Variants in TRHDE observed in about 807,000 individuals in gnomAD.
TRHDE encodes the protein thyrotropin-releasing hormone-degrading ectoenzyme.
In TRHDE, 72 loss-of-function variants were observed where a neutral mutation model predicts 125.7. The observed-to-expected ratio is 0.57, with a 90% confidence interval of 0.47 to 0.70. The LOEUF is 0.70. Ranked by LOEUF, TRHDE falls within the 30% of genes least tolerant of loss-of-function variation. The pLI, the probability that TRHDE is intolerant of heterozygous loss-of-function variation, is 0.00. For missense variants in TRHDE, 1,110 were observed against 1,327.1 expected (o/e 0.84, Z 2.54); for synonymous variants, 509 against 509.1 (o/e 1.00, Z 0.00).
At chr12:72,564,246 A>G (rs1422891482) in intron 9 of TRHDE, among the ~76,000 whole-genome samples, 1 of 152,136 alleles carries the variant, frequency 6.6e-6, no homozygotes, top group Admixed American at 6.5e-5. Context: ...TGACTCTGTC[A>G]ATGCTTCTTC....
At chr12:72,134,728 C>A (rs1423908300) in intron 2 of TRHDE, among the ~76,000 whole-genome samples, 1 of 152,056 alleles carries the variant, frequency 6.6e-6, no homozygotes, top group Non-Finnish European at 1.5e-5. Context: ...TTATCTGGCT[C>A]ACTGACATTC....
At chr12:72,285,997 C>T (rs962185247) in intron 1 of TRHDE, among the ~76,000 whole-genome samples, 1 of 152,220 alleles carries the variant, frequency 6.6e-6, no homozygotes, top group African/African-American at 2.4e-5. Context: ...CCATGCTAGT[C>T]ACAGTCATAG....
chr12:72,144,725 G>A (rs748073290), intron 2 of TRHDE, among the ~76,000 whole-genome samples: 13 of 152,184 alleles, frequency 8.5e-5, no homozygotes, highest in Non-Finnish European at 1.5e-4. Flanking sequence ...TGGGAAGAAT[G>A]TCCATGCTAC....
chr12:72,620,673 T>C (rs1873015115), intron 13 of TRHDE, among the ~76,000 whole-genome samples: 1 of 152,182 alleles, frequency 6.6e-6, no homozygotes, highest in Non-Finnish European at 1.5e-5. Context: ...TACTAGGCCA[T>C]TGGTTGGGCC....
At chr12:72,641,931 T>C (rs1874081062) in intron 15 of TRHDE, among the ~76,000 whole-genome samples, 1 of 152,224 alleles carries the variant, frequency 6.6e-6, no homozygotes, top group Non-Finnish European at 1.5e-5. Flanking sequence ...TATTAGGAAG[T>C]AGGGTCTTTG....
At chr12:72,279,944 G>T (rs1255152720) in intron 1 of TRHDE, among the ~76,000 whole-genome samples, 1 of 152,158 alleles carries the variant, frequency 6.6e-6, no homozygotes, top group African/African-American at 2.4e-5. Flanking sequence ...GATAGACAAA[G>T]AAAGTAGTTC....
chr12:72,374,662 T>G, intron 2 of TRHDE, among the ~76,000 whole-genome samples: 1 of 152,052 alleles, frequency 6.6e-6, no homozygotes, highest in East Asian at 1.9e-4. Context: ...AATAAAATGC[T>G]TTAAGGACAG....
chr12:72,568,303 A>G (rs1314839346), intron 9 of TRHDE, among the ~76,000 whole-genome samples: 3 of 152,004 alleles, frequency 2.0e-5, no homozygotes, highest in Non-Finnish European at 4.4e-5. Context: ...CAAAATGCGA[A>G]TCTTTTTTCC....
intron 7 of TRHDE, among the ~76,000 whole-genome samples, chr12:72,560,325 A>G (rs1870118679): frequency 6.6e-6 from 1 of 152,206 alleles, no homozygotes; most frequent in Non-Finnish European, 1.5e-5. Context: ...GGGAAGAAAT[A>G]GTTCAAACTG....
intron 12 of TRHDE, among the ~76,000 whole-genome samples, chr12:72,582,922 T>G (rs1287839715): frequency 7.2e-5 from 11 of 152,226 alleles, no homozygotes; most frequent in Admixed American, 2.6e-4. Context: ...TTTTTCTGTT[T>G]TTACAGTACT....
At chr12:72,479,437 T>C (rs1742302136) in intron 5 of TRHDE, among the ~76,000 whole-genome samples, 1 of 152,086 alleles carries the variant, frequency 6.6e-6, no homozygotes, top group Admixed American at 6.6e-5. Flanking sequence ...CTAAGTAAGA[T>C]ATCTTTAGAA....
chr12:72,650,464 T>C (rs144317456), intron 15 of TRHDE, among the ~76,000 whole-genome samples: 2 of 152,224 alleles, frequency 1.3e-5, no homozygotes, highest in East Asian at 1.9e-4. Context: ...TCTGTTACTT[T>C]TTTTTCTATA....
intron 3 of TRHDE, among the ~76,000 whole-genome samples, chr12:72,452,130 A>G (rs561555417): frequency 9.9e-5 from 15 of 151,946 alleles, no homozygotes; most frequent in Admixed American, 9.2e-4. Flanking sequence ...TTCTTTTGTC[A>G]GGGTTTTATA....
At chr12:72,656,906 A>T (rs1874727885) in intron 17 of TRHDE, 21 bp from the exon 18 acceptor site, 1 of 1,515,446 alleles carries the variant, frequency 6.6e-7, no homozygotes, top group Non-Finnish European at 9.1e-7. Flanking sequence ...ATTGACATTA[A>T]GACTCTTTTT....
chr12:72,176,598 A>AT lies in TRHDE; in HGVS notation n.279+70853dup, dbSNP rs1450761089. Among the ~76,000 whole-genome samples the AT allele has an allele frequency of 4.6e-5, 7 of 152,224 alleles. No individual in the cohort carries two copies. The East Asian group carries it at 5.8e-4, about 13-fold the overall frequency. On this transcript the variant is annotated intron_variant and non_coding_transcript_variant, in intron 2 of 4. Coordinates refer to the TRHDE transcript ENST00000548156. ...TTGAGTGCATTAATGTAGTGGTATG[A>AT]TTTTTTTCTAAGAAACTGTTATTAA... is the stretch of plus-strand genomic sequence containing the variant.
rs760094962 is a variant in TRHDE, at chr12:72,273,152, C to A, written c.509C>A (p.Pro170Gln). Residue 170 changes from proline to glutamine, a missense_variant, in exon 1 of 19, where the codon CCG becomes CAG. Transcript: ENST00000261180. The surrounding 1 kb of genome is among the most constrained non-coding windows in gnomAD (Gnocchi z 5.3). ...ASPGTTSAQP[P>Q]SEEEREPWEP... The stretch of plus-strand genomic sequence containing the variant: ...CCGGGGACCACGTCGGCCCAGCCGC[C>A]GTCGGAGGAGGAGCGGGAGCCGTGG... 5 of 1,573,204 alleles carry A rather than the reference C, an allele frequency of 3.2e-6. No individual in the cohort carries two copies. The South Asian group carries it at 5.8e-5, about 18-fold the overall frequency.
rs151161395 is a variant in TRHDE at position 72,128,379 on chromosome 12, C to A, written n.279+22627C>A. On this transcript the variant is annotated intron_variant and non_coding_transcript_variant, in intron 2 of 4. Coordinates refer to the TRHDE transcript ENST00000548156. ...CATAGAAACACAAAAAGATCCAGTA[C>A]CCAGCAAGATAAAATTGGATACTGA... is the stretch of plus-strand genomic sequence containing the variant. 6.6e-4 allele frequency among the ~76,000 whole-genome samples: 101 copies of A among 152,126 alleles called. 1 individual carries two copies. The East Asian group carries it at 0.017, about 26-fold the overall frequency.
intron 2 of TRHDE, among the ~76,000 whole-genome samples, chr12:72,123,829 A>G (rs540384865): frequency 6.6e-6 from 1 of 152,208 alleles, no homozygotes; most frequent in Non-Finnish European, 1.5e-5. Flanking sequence ...GCCTCATTAC[A>G]ATCATCCTTC....
At chr12:72,286,631 C>T in intron 1 of TRHDE, 50 bp from the exon 2 acceptor site, 1 of 1,549,376 alleles carries the variant, frequency 6.5e-7, no homozygotes, top group Non-Finnish European at 8.8e-7. Context: ...GTGGCCATAA[C>T]TTAACTCACA....
Sources: gnomAD v4.1 joint callset for allele counts (sites outside exome capture counted in the v4.1 genomes callset) on GRCh38, gnomAD v4.1.1 for gene constraint, Gnocchi (gnomAD v3.1) non-coding constraint, MANE v1.5 for transcripts, NCBI Gene and HGNC (gene_info 2026-07-23, HGNC 2026-07-21) for gene names.